MAP4K5: variants seen among roughly 807,000 people sequenced by gnomAD.
MAP4K5 encodes the protein mitogen-activated protein kinase kinase kinase kinase 5, also known as MAPK/ERK kinase kinase kinase 5.
In MAP4K5, 82 loss-of-function variants were observed where a neutral mutation model predicts 135.6. That is an observed-to-expected ratio of 0.60 (90% CI 0.51 to 0.73). The LOEUF is 0.73. MAP4K5 is among the 30% of genes least tolerant of loss of function. The pLI, the probability that MAP4K5 is intolerant of heterozygous loss-of-function variation, is 0.00. For missense variants in MAP4K5, 907 were observed against 1,010.9 expected, an observed-to-expected ratio of 0.90 and a Z score of 1.39; for synonymous variants, 347 against 335.0, an observed-to-expected ratio of 1.04 and a Z score of -0.39.
Position 50,435,053 on chromosome 14 carries a change from T to A in MAP4K5, c.1895A>T (p.Tyr632Phe), listed in dbSNP as rs368087374. The change falls in exon 27 of 33, where the codon TAC becomes TTC. Residue 632 changes from tyrosine (Y) to phenylalanine (F), a missense_variant. Tyr to Phe is a conservative substitution (Grantham distance 22). Transcript: ENST00000682126. Reference sequence around the variant, plus strand: ...TCCACAGAGGTATTTATGTCCCGTGTAAGGGTTTCTGACTGGAAAGAAATA... The same window carrying A: ...TCCACAGAGGTATTTATGTCCCGTGAAAGGGTTTCTGACTGGAAAGAAATA... The part of the protein sequence containing the change: ...CHKCCIVRNP[Y>F]TGHKYLCGAL... 3.0e-5 allele frequency: 48 copies of A among 1,598,792 alleles called. No homozygotes were observed. Among genetic ancestry groups the A allele is most frequent in the Non-Finnish European group, 3.8e-5 (45 of 1,169,424 alleles).
At chr14:50,497,711 T>C (rs1256715552) in intron 3 of MAP4K5, among the ~76,000 whole-genome samples, 1 of 152,214 alleles carries the variant, frequency 6.6e-6, no homozygotes, top group Non-Finnish European at 1.5e-5. Flanking sequence ...GCTTTAAACA[T>C]CTATTCAAAG....
chr14:50,473,395 C>T (rs984644873), intron 9 of MAP4K5, among the ~76,000 whole-genome samples: 7 of 151,862 alleles, frequency 4.6e-5, no homozygotes, highest in Non-Finnish European at 1.0e-4. Context: ...AAAAGAAATC[C>T]GTAACTTCTT....
At chr14:50,450,870 T>C (rs1013712611) in intron 14 of MAP4K5, among the ~76,000 whole-genome samples, 1 of 152,144 alleles carries the variant, frequency 6.6e-6, no homozygotes, top group Admixed American at 6.5e-5. Context: ...TTGTATTACA[T>C]TGTCCAAGAT....
intron 13 of MAP4K5, 50 bp downstream of exon 13, chr14:50,462,615 G>A (rs756805430): frequency 1.6e-6 from 2 of 1,272,664 alleles, no homozygotes; most frequent in South Asian, 2.6e-5. Context: ...AAACTTTAAG[G>A]CCTTATAAAA....
In MAP4K5 at chr14:50,468,717, G is replaced by C; in HGVS notation, c.608C>G (p.Ala203Gly). 6.2e-7 allele frequency: 1 copy of C among 1,612,844 alleles called. No homozygotes were observed. The highest frequency in any genetic ancestry group is 8.5e-7 in the Non-Finnish European group (1 of 1,179,242). Residue 203 changes from alanine (A) to glycine (G), a missense_variant, in exon 10 of 33, where the codon GCA (alanine) becomes GGA (glycine). Ala to Gly is a moderately conservative substitution (Grantham distance 60, BLOSUM62 0). Transcript: ENST00000682126. ...AAGTTCAATTGCTGTTATTCCTACT[G>C]CCCAGATATCACAGAGTTGGTTGTA... Reference protein sequence around the residue: ...GGYNQLCDIWAVGITAIELGE... With the variant: ...GGYNQLCDIWGVGITAIELGE...
chr14:50,514,351 G>T (rs2037989383), intron 2 of MAP4K5, among the ~76,000 whole-genome samples: 1 of 152,060 alleles, frequency 6.6e-6, no homozygotes. Flanking sequence ...CCAAAGTGCT[G>T]GGATTACAGG....
intron 2 of MAP4K5, chr14:50,505,252 A>T (rs1166451943): frequency 6.0e-6 from 1 of 168,066 alleles, no homozygotes; most frequent in Non-Finnish European, 1.3e-5. Flanking sequence ...AAAAACAGTG[A>T]ACATTTCAGT....
chr14:50,492,112 CA>C (rs1251225485), intron 3 of MAP4K5, among the ~76,000 whole-genome samples: 2 of 152,130 alleles, frequency 1.3e-5, no homozygotes, highest in Non-Finnish European at 2.9e-5. Context: ...ATTTCTACTT[CA>C]TTGTTCATGT....
At chr14:50,421,647 A>T (rs2035735690) in intron 32 of MAP4K5, among the ~76,000 whole-genome samples, 1 of 151,886 alleles carries the variant, frequency 6.6e-6, no homozygotes, top group Non-Finnish European at 1.5e-5. Flanking sequence ...TGCCCATGTA[A>T]GAGACAAGCA....
intron 1 of MAP4K5, among the ~76,000 whole-genome samples, chr14:50,550,594 G>T (rs982375348): frequency 6.6e-6 from 1 of 152,200 alleles, no homozygotes; most frequent in African/African-American, 2.4e-5. Flanking sequence ...GATTGTCTCT[G>T]CAGGAAGGCC....
chr14:50,418,837 G>A lies in MAP4K5; in HGVS notation c.*1182C>T, dbSNP rs1009584238. ...ATGCATTAAGACAACAGGTACCAAT[G>A]TAACACTTTAATTTTGAATATTAAC... On this transcript the variant is annotated 3_prime_UTR_variant, in exon 33 of 33. Transcript: ENST00000682126. The A allele has an allele frequency of 3.3e-5, 5 of 152,080 alleles. No homozygotes were observed. The highest frequency in any genetic ancestry group is 4.8e-5 in the African/African-American group (2 of 41,426). 9.4% of individuals were successfully genotyped at this position (152,080 alleles called of 1,614,324 possible).
At chr14:50,531,837 C>T (rs990637759) in intron 2 of MAP4K5, 105 bp downstream of exon 2, 14 of 867,098 alleles carry the variant, frequency 1.6e-5, no homozygotes, top group African/African-American at 3.3e-5. Context: ...CCCCAAGAGG[C>T]AACAATAAAA....
chr14:50,487,247 G>A (rs923078890), intron 3 of MAP4K5, among the ~76,000 whole-genome samples: 6 of 152,198 alleles, frequency 3.9e-5, no homozygotes, highest in Non-Finnish European at 7.3e-5. Context: ...GGCGGAGGTC[G>A]CAGTGAGCTG....
chr14:50,420,179 G>C (rs781480672), intron 32 of MAP4K5, 73 bp from the exon 33 acceptor site: 3 of 797,484 alleles, frequency 3.8e-6, no homozygotes, highest in Non-Finnish European at 6.6e-6. Flanking sequence ...CATCAAACTA[G>C]GAAAGAATAT....
At position 50,465,717 on chromosome 14, in the gene MAP4K5, C is replaced by T. The variant is rs1004259932; in HGVS notation, c.737+866G>A. Among the ~76,000 whole-genome samples the T allele has an allele frequency of 1.2e-3, 180 of 152,304 alleles. 1 individual carries two copies. Among genetic ancestry groups the T allele is most frequent in the Non-Finnish European group, 1.8e-4 (12 of 68,024 alleles). ...GTAATCACTTCTAATTCTTTCCTCACCACACTTCTTACCCAATCTGCCGAA... is the reference window on the plus strand; with the variant it reads ...GTAATCACTTCTAATTCTTTCCTCATCACACTTCTTACCCAATCTGCCGAA... On this transcript the variant is annotated intron_variant, in intron 11 of 32. Transcript: ENST00000682126.
chr14:50,492,362 T>C (rs1291489665), intron 3 of MAP4K5, among the ~76,000 whole-genome samples: 1 of 151,838 alleles, frequency 6.6e-6, no homozygotes. Context: ...AAGGCCAAAG[T>C]GGGAAGATCA....
rs2139594762 is a variant in MAP4K5 at position 50,419,547 on chromosome 14, T to C, written c.*472A>G. On this transcript the variant is annotated 3_prime_UTR_variant, in exon 33 of 33. Coordinates refer to ENST00000682126, the MANE Select transcript of MAP4K5 (RefSeq NM_006575.6). ...ACCACTCCAGCAAGAGATTAATAAATAAGGATTAAATATTCTGTTTTACAA... is the reference window on the plus strand; with the variant it reads ...ACCACTCCAGCAAGAGATTAATAAACAAGGATTAAATATTCTGTTTTACAA... 6.5e-6 allele frequency: 1 copy of C among 154,654 alleles called. No homozygotes were observed. The highest frequency in any genetic ancestry group is 1.9e-4 in the East Asian group (1 of 5,278). The allele number at this position is 154,654 out of a possible 1,614,324, so 9.6% of individuals were successfully genotyped here.
chr14:50,501,709 TC>T (rs2037709330), intron 3 of MAP4K5, among the ~76,000 whole-genome samples: 1 of 152,086 alleles, frequency 6.6e-6, no homozygotes, highest in South Asian at 2.1e-4. Context: ...AAAGTTATAT[TC>T]AAGGTAAAAA....
At chr14:50,487,239 C>T (rs1254130555) in intron 3 of MAP4K5, among the ~76,000 whole-genome samples, 2 of 152,110 alleles carry the variant, frequency 1.3e-5, no homozygotes, top group Non-Finnish European at 1.5e-5. Flanking sequence ...ACCTGGGAGG[C>T]GGAGGTCGCA....
Sources: allele counts gnomAD v4.1 joint callset (sites outside exome capture counted in the v4.1 genomes callset), GRCh38; gene constraint gnomAD v4.1.1; transcripts MANE v1.5; gene names NCBI Gene and HGNC (gene_info 2026-07-23, HGNC 2026-07-21).